MIER1: variants seen among roughly 807,000 people sequenced by gnomAD.
MIER1 encodes MIER1 transcriptional regulator.
Under a neutral mutation model 75.7 loss-of-function variants are expected in MIER1, and 40 were observed. That is an observed-to-expected ratio of 0.53 (90% CI 0.41 to 0.69). The LOEUF is 0.69. Ranked by LOEUF, MIER1 falls within the 30% of genes least tolerant of loss-of-function variation. The pLI, the probability that MIER1 is intolerant of heterozygous loss-of-function variation, is 0.00. For synonymous variants in MIER1, 213 were observed against 223.4 expected, an observed-to-expected ratio of 0.95 and a Z score of 0.42; for missense variants, 574 against 680.2, an observed-to-expected ratio of 0.84 and a Z score of 1.74.
chr1:66,971,025 G>A, intron 9 of MIER1, 66 bp downstream of exon 9: 1 of 1,427,000 alleles, frequency 7.0e-7, no homozygotes, highest in Non-Finnish European at 9.4e-7. Flanking sequence ...GCTGTCACTT[G>A]CATTGTTGTT....
chr1:66,943,865 G>A (rs1162838181), intron 3 of MIER1, among the ~76,000 whole-genome samples: 1 of 152,184 alleles, frequency 6.6e-6, no homozygotes, highest in East Asian at 1.9e-4. Context: ...TTTACAGGAG[G>A]CTTGGAGTCC....
intron 3 of MIER1, among the ~76,000 whole-genome samples, chr1:66,945,604 G>C (rs1434720933): frequency 1.3e-5 from 2 of 152,090 alleles, no homozygotes; most frequent in Non-Finnish European, 2.9e-5. Context: ...AGGTACACCT[G>C]TAATCCCAGG....
At chr1:66,977,426 A>G (rs541470587) in intron 12 of MIER1, among the ~76,000 whole-genome samples, 2 of 152,062 alleles carry the variant, frequency 1.3e-5, no homozygotes, top group Non-Finnish European at 2.9e-5. Context: ...TTTTTTATAG[A>G]GGAAAAAAAA....
rs1035304442 is a variant in MIER1 at position 66,946,155 on chromosome 1, T to C, written c.199T>C (p.Ser67Pro). The change falls in exon 4 of 14, where the codon TCA becomes CCA. Residue 67 changes from serine (S) to proline (P), a missense_variant. Around this residue, in one of 3 missense-constraint regions of MIER1, gnomAD observed 309 missense variants for 352.8 expected, o/e 0.88. Transcript: ENST00000401041. ...TTTGAAATATTCCTTACCAGGAGGT[T>C]CAGCAACATCAGATGACCATGAATT... ...PSVESSSPGGSATSDDHEFDP... is the reference protein window; with the variant it reads ...PSVESSSPGGPATSDDHEFDP... 6.2e-7 allele frequency: 1 copy of C among 1,606,478 alleles called. No individual in the cohort carries two copies. The highest frequency in any genetic ancestry group is 1.7e-5 in the Admixed American group (1 of 57,640).
chr1:66,983,491 C>T (rs1325858415), intron 13 of MIER1, among the ~76,000 whole-genome samples: 1 of 152,090 alleles, frequency 6.6e-6, no homozygotes, highest in Non-Finnish European at 1.5e-5. Flanking sequence ...TTCTTATCAC[C>T]AAAATTTGCA....
chr1:66,970,813 GA>G lies in MIER1; in HGVS notation c.782del (p.Asn261MetfsTer17). 1 of 1,550,934 alleles carries G rather than the reference GA, an allele frequency of 6.4e-7. No individual in the cohort carries two copies. Among genetic ancestry groups the G allele is most frequent in the East Asian group, 2.3e-5 (1 of 43,020 alleles). The stretch of plus-strand genomic sequence containing the variant: ...ATTGTCTTTTACTAATTTAGTATAT[GA>G]AAATGATGATCAGCTCCTGTGGGAC... ...CRYKENEKVY[E>X]NDDQLLWDPE... On this transcript the variant is annotated frameshift_variant, in exon 9 of 14. Transcript: ENST00000401041. LOFTEE classifies it high-confidence loss of function.
At chr1:66,951,079 A>G (rs1007609684) in intron 4 of MIER1, among the ~76,000 whole-genome samples, 14 of 152,196 alleles carry the variant, frequency 9.2e-5, no homozygotes, top group Non-Finnish European at 1.9e-4. Context: ...TTCTGCAGCT[A>G]GGAGTTGGAT....
intron 2 of MIER1, among the ~76,000 whole-genome samples, chr1:66,934,535 A>G (rs942945051): frequency 3.3e-5 from 5 of 150,636 alleles, no homozygotes; most frequent in Non-Finnish European, 2.9e-5. Context: ...GAGCCTCTCA[A>G]GTAGCTGGGA....
chr1:66,945,163 C>T (rs1011138460), intron 3 of MIER1, among the ~76,000 whole-genome samples: 12 of 151,856 alleles, frequency 7.9e-5, no homozygotes, highest in Admixed American at 4.6e-4. Context: ...AAACCTCCCT[C>T]GGATACCAAA....
At chr1:66,929,062 A>G in intron 2 of MIER1, 1 of 771,242 alleles carries the variant, frequency 1.3e-6, no homozygotes, top group Non-Finnish European at 2.1e-6. Context: ...ATTAACATTG[A>G]ATCTTTGGAA....
chr1:66,925,166 C>T, intron 1 of MIER1, 71 bp downstream of exon 1: 5 of 1,505,922 alleles, frequency 3.3e-6, no homozygotes, highest in Non-Finnish European at 3.5e-6. Context: ...CTGAGGTGTC[C>T]TCAGTCCCCT....
In MIER1 at chr1:66,956,200, TC is replaced by T. The variant is rs1197273175; in HGVS notation, c.340-1858del. ...ATTTTGGGAAGCCAAGGTGGGCAGATCGCTTGCATCCAGGTGTTTGAGACCA... is the reference window on the plus strand; with the variant it reads ...ATTTTGGGAAGCCAAGGTGGGCAGATGCTTGCATCCAGGTGTTTGAGACCA... On this transcript the variant is annotated intron_variant, in intron 4 of 13. Transcript: ENST00000401041. Among the ~76,000 whole-genome samples, 3 of 152,334 alleles carry T rather than the reference TC, an allele frequency of 2.0e-5. No homozygotes were observed. The East Asian group carries it at 5.8e-4, about 29-fold the overall frequency.
intron 2 of MIER1, among the ~76,000 whole-genome samples, chr1:66,931,885 C>T (rs1653474130): frequency 6.6e-6 from 1 of 152,052 alleles, no homozygotes; most frequent in South Asian, 2.1e-4. Flanking sequence ...CAGTGAATAT[C>T]GGGTAAGCAG....
intron 4 of MIER1, among the ~76,000 whole-genome samples, chr1:66,950,162 G>A (rs979115673): frequency 4.6e-5 from 7 of 152,148 alleles, no homozygotes; most frequent in African/African-American, 1.7e-4. Flanking sequence ...AGGCTGGAGT[G>A]CAGTGGCACG....
intron 12 of MIER1, among the ~76,000 whole-genome samples, chr1:66,980,628 G>A (rs1465880971): frequency 6.6e-6 from 1 of 152,110 alleles, no homozygotes; most frequent in African/African-American, 2.4e-5. Flanking sequence ...TAAGAGATTT[G>A]TCTTAATATT....
intron 13 of MIER1, 85 bp from the exon 14 acceptor site, chr1:66,984,487 A>G: frequency 1.0e-6 from 1 of 988,952 alleles, no homozygotes; most frequent in East Asian, 2.4e-5. Flanking sequence ...CTTCCTTGAT[A>G]ACAATAACTA....
chr1:66,952,486 A>G (rs1451766147), intron 4 of MIER1, among the ~76,000 whole-genome samples: 1 of 152,202 alleles, frequency 6.6e-6, no homozygotes, highest in African/African-American at 2.4e-5. Flanking sequence ...TCTGTCTGTA[A>G]CTAGATTACA....
Position 66,985,884 on chromosome 1 carries a change from A to C in MIER1, c.*984A>C. 1 of 940,084 alleles carries C rather than the reference A, an allele frequency of 1.1e-6. No individual in the cohort carries two copies. Among genetic ancestry groups the C allele is most frequent in the South Asian group, 4.9e-5 (1 of 20,334 alleles). The allele number at this position is 940,084 out of a possible 1,614,324, so 58.2% of individuals were successfully genotyped here. A position where few individuals can be genotyped will look rare whatever the true frequency, so the allele number is the denominator to read the frequency against. On this transcript the variant is annotated 3_prime_UTR_variant, in exon 14 of 14. Coordinates refer to ENST00000401041, the MANE Select transcript of MIER1 (RefSeq NM_001077700.3). Reference sequence around the variant, plus strand: ...TAATTTGAGAATTCTGAAATTAAGCATGATGCTTAGATTGCAGTTTGTTTT... The same window carrying C: ...TAATTTGAGAATTCTGAAATTAAGCCTGATGCTTAGATTGCAGTTTGTTTT...
chr1:66,957,581 GTT>G (rs1660395194), intron 4 of MIER1, among the ~76,000 whole-genome samples: 3 of 122,460 alleles, frequency 2.4e-5, no homozygotes, highest in Admixed American at 1.6e-4. Flanking sequence ...CTACTGGTTT[GTT>G]TGTGTTTTTT....
Sources: allele counts gnomAD v4.1 joint callset (sites outside exome capture counted in the v4.1 genomes callset), GRCh38; gene constraint gnomAD v4.1.1; regional missense constraint gnomAD v4.1.1; transcripts MANE v1.5; gene names NCBI Gene and HGNC (gene_info 2026-07-23, HGNC 2026-07-21).